SORBS2: variants seen among roughly 807,000 people sequenced by gnomAD.
SORBS2 encodes sorbin and SH3 domain-containing protein 2.
Under a neutral mutation model 97.7 loss-of-function variants are expected in SORBS2, and 46 were observed. The ratio of observed to expected loss-of-function variants is 0.47; its 90% CI spans 0.37 to 0.60. The LOEUF is 0.60. Among genes scored for constraint, SORBS2 ranks in the 20% least tolerant of loss-of-function variants. SORBS2 has a pLI of 0.00. For missense variants in SORBS2, 1,316 were observed against 1,282.3 expected (o/e 1.03, Z -0.40); for synonymous variants, 476 against 473.4 (o/e 1.01, Z -0.07).
chr4:185,929,565 G>A (rs1040987854), intron 1 of SORBS2, among the ~76,000 whole-genome samples: 1 of 141,406 alleles, frequency 7.1e-6, no homozygotes, highest in African/African-American at 2.7e-5. Context: ...GTCTCACTCT[G>A]TTGCTAGACT....
At chr4:185,691,807 C>A (rs374168337) in intron 2 of SORBS2, among the ~76,000 whole-genome samples, 2 of 152,018 alleles carry the variant, frequency 1.3e-5, no homozygotes, top group East Asian at 1.9e-4. Flanking sequence ...TGCAGTGGTG[C>A]GATCTCGGCT....
intron 1 of SORBS2, among the ~76,000 whole-genome samples, chr4:185,938,916 A>G (rs958462886): frequency 6.6e-6 from 1 of 152,198 alleles, no homozygotes; most frequent in African/African-American, 2.4e-5. Flanking sequence ...GCAACAAAGA[A>G]AAAGGATGCA....
At position 185,644,250 on chromosome 4, in the gene SORBS2, T is replaced by C. The variant is rs564695492; in HGVS notation, c.396+2418A>G. On this transcript the variant is annotated intron_variant, in intron 4 of 14. Transcript: ENST00000418609. ...CAAGTTTCTAAGTTCCTTCTACTTA[T>C]CTTCTCCTGTGGCTGCAGAGACCTA... 3.1e-4 allele frequency among the ~76,000 whole-genome samples: 47 copies of C among 152,300 alleles called. No individual in the cohort carries two copies. In the South Asian group the frequency reaches 9.3e-3, roughly 30 times the overall value.
chr4:185,723,494 GAAGA>G (rs1315659127), intron 2 of SORBS2, among the ~76,000 whole-genome samples: 1 of 152,220 alleles, frequency 6.6e-6, no homozygotes, highest in Non-Finnish European at 1.5e-5. Flanking sequence ...GAAGTTGGGA[GAAGA>G]AAGGACAGCC....
intron 1 of SORBS2, among the ~76,000 whole-genome samples, chr4:185,784,407 A>G (rs1015808504): frequency 3.3e-5 from 5 of 152,080 alleles, no homozygotes; most frequent in African/African-American, 7.2e-5. Context: ...TGGGATTACA[A>G]GCGTGAGCCA....
At chr4:185,826,331 C>T (rs370338980) in intron 1 of SORBS2, among the ~76,000 whole-genome samples, 56 of 152,272 alleles carry the variant, frequency 3.7e-4, no homozygotes, top group African/African-American at 1.1e-3. Context: ...CTATGCTCAT[C>T]GACCACTACT....
intron 2 of SORBS2, among the ~76,000 whole-genome samples, chr4:185,767,573 T>C (rs952602292): frequency 6.6e-6 from 1 of 151,658 alleles, no homozygotes; most frequent in African/African-American, 2.4e-5. Flanking sequence ...AACACAACCT[T>C]TCATCTCTGA....
At chr4:185,744,317 G>A (rs1041959099) in intron 2 of SORBS2, among the ~76,000 whole-genome samples, 4 of 152,134 alleles carry the variant, frequency 2.6e-5, no homozygotes, top group Non-Finnish European at 4.4e-5. Context: ...AACTGTAGGA[G>A]GTCCATGCAG....
At chr4:185,804,283 G>C (rs2099143544) in intron 1 of SORBS2, among the ~76,000 whole-genome samples, 1 of 152,154 alleles carries the variant, frequency 6.6e-6, no homozygotes, top group South Asian at 2.1e-4. Flanking sequence ...AATTTTATTT[G>C]TTACAATAAC....
chr4:185,868,188 A>G (rs1348452555), intron 1 of SORBS2, among the ~76,000 whole-genome samples: 6 of 73,934 alleles, frequency 8.1e-5, no homozygotes, highest in Admixed American at 1.8e-4. Flanking sequence ...GCAGAGTCTC[A>G]CTCTGTCACC....
rs534389879 is a variant in SORBS2, at chr4:185,877,608, T to C, written c.-338+78588A>G. ...TAGGCCAGGCATGGTGGCTCACACC[T>C]ATAATCCCATCACTTGGGGAGGCCA... On this transcript the variant is annotated intron_variant, in intron 1 of 20. Coordinates refer to the SORBS2 transcript ENST00000284776. Among the ~76,000 whole-genome samples, 42 of 152,276 alleles carry C rather than the reference T, an allele frequency of 2.8e-4. No individual in the cohort carries two copies. In the South Asian group the frequency reaches 3.7e-3, roughly 14 times the overall value.
chr4:185,936,737 G>A (rs1003863262), intron 1 of SORBS2, among the ~76,000 whole-genome samples: 4 of 152,222 alleles, frequency 2.6e-5, no homozygotes, highest in Non-Finnish European at 5.9e-5. Context: ...TGGTCATCAC[G>A]TTGATTAGAA....
intron 1 of SORBS2, among the ~76,000 whole-genome samples, chr4:185,928,054 C>G (rs1301940551): frequency 6.6e-6 from 1 of 152,064 alleles, no homozygotes; most frequent in East Asian, 1.9e-4. Flanking sequence ...ACTGAGGTCT[C>G]AAATGACCCA....
At chr4:185,643,676 C>T (rs1043823241) in intron 4 of SORBS2, among the ~76,000 whole-genome samples, 2 of 151,986 alleles carry the variant, frequency 1.3e-5, no homozygotes, top group African/African-American at 4.8e-5. Flanking sequence ...GGGGAAAACC[C>T]AAGATGACCC....
chr4:185,666,069 AC>A, intron 4 of SORBS2: 1 of 1,289,778 alleles, frequency 7.8e-7, no homozygotes, highest in Non-Finnish European at 1.0e-6. Flanking sequence ...AGCTGGTGCC[AC>A]TGCCTGGTGA....
At chr4:185,700,872 T>C (rs116296802) in intron 2 of SORBS2, among the ~76,000 whole-genome samples, 346 of 152,330 alleles carry the variant, frequency 2.3e-3, no homozygotes, top group Non-Finnish European at 3.7e-3. Context: ...ATATAGTCCT[T>C]CATGCTCTGC....
chr4:185,820,445 T>A (rs900345398), intron 1 of SORBS2, among the ~76,000 whole-genome samples: 12 of 152,186 alleles, frequency 7.9e-5, no homozygotes, highest in African/African-American at 2.9e-4. Context: ...AACCTTTTCA[T>A]AGAATCTAGT....
upstream of SORBS2, chr4:185,657,288 A>G: frequency 1.4e-6 from 1 of 704,172 alleles, no homozygotes; most frequent in Non-Finnish European, 2.1e-6. Flanking sequence ...ACAGCATAAC[A>G]TTCATGAGAA....
chr4:185,815,328 G>A (rs1030862024), intron 1 of SORBS2, among the ~76,000 whole-genome samples: 5 of 151,932 alleles, frequency 3.3e-5, no homozygotes, highest in Non-Finnish European at 7.4e-5. Flanking sequence ...AAACAACGTG[G>A]TCATAAAGGT....
Sources: allele counts gnomAD v4.1 joint callset (sites outside exome capture counted in the v4.1 genomes callset), GRCh38; gene constraint gnomAD v4.1.1; transcripts MANE v1.5; gene names NCBI Gene and HGNC (gene_info 2026-07-23, HGNC 2026-07-21).